Variants in NR2C1 observed in about 807,000 individuals in gnomAD.
NR2C1 encodes the protein nuclear receptor subfamily 2 group C member 1, also known as TR2 nuclear hormone receptor.
Under a neutral mutation model 74.8 loss-of-function variants are expected in NR2C1, and 33 were observed. That is an observed-to-expected ratio of 0.44 (90% confidence interval 0.33 to 0.59). The LOEUF is 0.59. Ranked by LOEUF, NR2C1 falls within the 20% of genes least tolerant of loss-of-function variation. The probability of loss-of-function intolerance (pLI) is 0.02; values close to 1 mark genes in which losing one functional copy is unlikely to be tolerated. For synonymous variants in NR2C1, 225 were observed against 240.6 expected (o/e 0.94, Z 0.60); for missense variants, 568 against 715.6 (o/e 0.79, Z 2.35).
intron 12 of NR2C1, chr12:95,025,470 C>A (rs1335829757): frequency 2.9e-5 from 9 of 312,728 alleles, no homozygotes; most frequent in African/African-American, 1.7e-4. Flanking sequence ...ACCAGCCTGA[C>A]CAACATGGAG....
At position 95,025,319 on chromosome 12, in the gene NR2C1, T is replaced by C; in HGVS notation, c.1532-64A>G. The C allele has an allele frequency of 3.6e-6, 3 of 838,936 alleles. No homozygotes were observed. The South Asian group carries it at 4.9e-5, about 14-fold the overall frequency. The allele number at this position is 838,936 out of a possible 1,614,324, so 52.0% of individuals were successfully genotyped here. The stretch of plus-strand genomic sequence containing the variant: ...ATGTTCATTTAAGACAGAGTGGATA[T>C]GAAAAGAGACAGAAAGAATAGTCAA... On this transcript the variant is annotated intron_variant, in intron 12 of 13. Transcript: ENST00000333003.
chr12:95,050,863 A>G (rs544392302), intron 8 of NR2C1, among the ~76,000 whole-genome samples: 1 of 152,256 alleles, frequency 6.6e-6, no homozygotes, highest in South Asian at 2.1e-4. Context: ...CTGTAACTTA[A>G]AACTGTAGTT....
At chr12:95,060,414 G>A (rs1874616452) in intron 3 of NR2C1, among the ~76,000 whole-genome samples, 1 of 152,242 alleles carries the variant, frequency 6.6e-6, no homozygotes, top group South Asian at 2.1e-4. Flanking sequence ...AGCACTTTGG[G>A]AGGCTGAGGC....
At chr12:95,066,102 A>G (rs999078464) in intron 2 of NR2C1, among the ~76,000 whole-genome samples, 9 of 152,344 alleles carry the variant, frequency 5.9e-5, no homozygotes, top group Middle Eastern at 3.4e-3. Context: ...TGTAGTGCAG[A>G]GAGTGGCTTT....
intron 10 of NR2C1, among the ~76,000 whole-genome samples, chr12:95,035,262 G>A (rs58769104): frequency 0.12 from 17,935 of 152,018 alleles, 1,670 homozygotes; most frequent in African/African-American, 0.26. Flanking sequence ...GTTAACAGTG[G>A]GGTTAGTTAC....
chr12:95,022,460 A>G, intron 13 of NR2C1, 57 bp from the exon 14 acceptor site: 1 of 1,384,922 alleles, frequency 7.2e-7, no homozygotes, highest in Non-Finnish European at 9.9e-7. Context: ...AAAGAAATTT[A>G]GTAGAAAAAT....
chr12:95,054,918 G>A (rs983890986), intron 7 of NR2C1, among the ~76,000 whole-genome samples: 4 of 152,164 alleles, frequency 2.6e-5, no homozygotes, highest in African/African-American at 9.7e-5. Context: ...CACAGTGTTT[G>A]TGTCCCTGGG....
At chr12:95,026,914 CAT>C (rs1435671959) in intron 12 of NR2C1, 1 of 149,328 alleles carries the variant, frequency 6.7e-6, no homozygotes, top group African/African-American at 2.5e-5. Context: ...GTTGGTAACT[CAT>C]ATAAGATGTT....
intron 11 of NR2C1, 101 bp from the exon 12 acceptor site, chr12:95,028,625 A>G: frequency 1.1e-6 from 1 of 879,830 alleles, no homozygotes; most frequent in Admixed American, 2.5e-5. Context: ...AAATTTTTTA[A>G]TTCTTAAATT....
At chr12:95,058,220 T>C in intron 5 of NR2C1, 90 bp downstream of exon 5, 2 of 1,156,860 alleles carry the variant, frequency 1.7e-6, no homozygotes, top group Non-Finnish European at 2.4e-6. Flanking sequence ...CTAAAAAGTA[T>C]ACATATTTGA....
At chr12:95,058,163 A>G in intron 5 of NR2C1, 147 bp downstream of exon 5, 1 of 693,998 alleles carries the variant, frequency 1.4e-6, no homozygotes, top group Middle Eastern at 4.1e-4. Flanking sequence ...ATAAAAAAGT[A>G]CATACGTAGG....
intron 7 of NR2C1, among the ~76,000 whole-genome samples, chr12:95,054,166 ATAAT>A (rs778249502): frequency 4.4e-4 from 67 of 152,348 alleles, no homozygotes; most frequent in Non-Finnish European, 6.2e-4. Context: ...ATGTTCTTAC[ATAAT>A]TAATACCTAT....
chr12:95,027,506 G>A (rs1318918677), intron 12 of NR2C1, among the ~76,000 whole-genome samples: 3 of 152,110 alleles, frequency 2.0e-5, no homozygotes, highest in African/African-American at 7.2e-5. Flanking sequence ...GGAGGCCGAG[G>A]CGGGTAGATC....
chr12:95,036,351 T>C (rs982713965), intron 10 of NR2C1, among the ~76,000 whole-genome samples: 11 of 150,560 alleles, frequency 7.3e-5, no homozygotes, highest in African/African-American at 1.5e-4. Flanking sequence ...GCTGGGAGAA[T>C]TGCTTGAGGC....
At chr12:95,053,974 T>C (rs141966653) in intron 7 of NR2C1, among the ~76,000 whole-genome samples, 1,582 of 152,290 alleles carry the variant, frequency 0.01, 5 homozygotes, top group Admixed American at 0.015. Context: ...TGAGCCACTG[T>C]GCCTGGCCCT....
chr12:95,057,746 T>C lies in NR2C1; in HGVS notation c.677A>G (p.Asp226Gly). Residue 226 changes from aspartate (D) to glycine (G), a missense_variant, in exon 6 of 14, where the codon GAT becomes GGT. By Grantham distance (94) the Asp-to-Gly change is moderately conservative. Around this residue, in one of 6 missense-constraint regions of NR2C1, gnomAD observed 239 missense variants for 232.3 expected, o/e 1.03. Transcript: ENST00000333003. The stretch of plus-strand genomic sequence containing the variant: ...TTTACTTTACCTTGTACTTTCACTA[T>C]CTGTTACAAAAGTTGGAGTTGCAGT... The part of the protein sequence containing the change: ...PLTATPTFVT[D>G]SESTRSTGLL... 6.2e-7 allele frequency: 1 copy of C among 1,614,046 alleles called. No individual in the cohort carries two copies. The highest frequency in any genetic ancestry group is 8.5e-7 in the Non-Finnish European group (1 of 1,179,962).
At chr12:95,022,944 C>T (rs1868936248) in intron 13 of NR2C1, among the ~76,000 whole-genome samples, 1 of 151,170 alleles carries the variant, frequency 6.6e-6, no homozygotes, top group Admixed American at 6.6e-5. Flanking sequence ...CTCAAGCAAT[C>T]CTCCTGCCTT....
chr12:95,067,232 AAT>A (rs1875846651), intron 2 of NR2C1, 97 bp downstream of exon 2: 1 of 905,176 alleles, frequency 1.1e-6, no homozygotes, highest in Non-Finnish European at 1.8e-6. Context: ...TAAGTTAGGG[AAT>A]ATCTTTTATT....
rs1159640202 is a variant in NR2C1, at chr12:95,020,769, C to T, written c.*1460G>A. ...GAAATCAAAGCAAAGAAACAGTTAT[C>T]AGTATCAGGTTTGCTAAAAGAATAA... On this transcript the variant is annotated 3_prime_UTR_variant, in exon 14 of 14. Transcript: ENST00000333003. 1 of 152,140 alleles carries T rather than the reference C, an allele frequency of 6.6e-6. No homozygotes were observed. Among genetic ancestry groups the T allele is most frequent in the Non-Finnish European group, 1.5e-5 (1 of 68,028 alleles). 9.4% of individuals were successfully genotyped at this position (152,140 alleles called of 1,614,324 possible). A position where few individuals can be genotyped will look rare whatever the true frequency, so the allele number is the denominator to read the frequency against.
Sources: gnomAD v4.1 joint callset for allele counts (sites outside exome capture counted in the v4.1 genomes callset) on GRCh38, gnomAD v4.1.1 for gene constraint, gnomAD v4.1.1 regional missense constraint, MANE v1.5 for transcripts, NCBI Gene and HGNC (gene_info 2026-07-23, HGNC 2026-07-21) for gene names.